The following NPLOC4 variants were observed in gnomAD, a reference collection of about 807,000 sequenced individuals.
NPLOC4 encodes the protein nuclear protein localization protein 4 homolog.
Under a neutral mutation model 80.6 loss-of-function variants are expected in NPLOC4, and 18 were observed. That is an observed-to-expected ratio of 0.22 (90% confidence interval 0.15 to 0.33). The LOEUF (loss-of-function observed/expected upper bound fraction) is 0.33. Ranked by LOEUF, NPLOC4 falls within the 10% of genes least tolerant of loss-of-function variation. The pLI is 1.00. For missense variants in NPLOC4, 540 were observed against 786.1 expected (o/e 0.69, Z 3.74); for synonymous variants, 313 against 301.5 (o/e 1.04, Z -0.39).
In NPLOC4 at chr17:81,565,605, G is replaced by A. The variant is rs1252920687; in HGVS notation, c.1569C>T (p.Asp523=). The A allele has an allele frequency of 5.8e-6, 9 of 1,541,432 alleles. No homozygotes were observed. The East Asian group carries it at 7.3e-5, about 12-fold the overall frequency. Residue 523 remains aspartate (D), a splice_region_variant and synonymous_variant, in exon 16 of 17, where the codon GAC becomes GAT. Transcript: ENST00000331134. Reference sequence around the variant, plus strand: ...CGGCCTCCAGCAGCAAGCTGATGCTGTCCTACAAGAAGCCAAAAGGAAGGT... The same window carrying A: ...CGGCCTCCAGCAGCAAGCTGATGCTATCCTACAAGAAGCCAAAAGGAAGGT... The part of the protein sequence containing the change: ...LVTNEVMPLQ[D]SISLLLEAVR...
chr17:81,594,323 T>A (rs72855689), intron 11 of NPLOC4, among the ~76,000 whole-genome samples: 22,464 of 144,806 alleles, frequency 0.16, 2,168 homozygotes, highest in African/African-American at 0.24. Flanking sequence ...ACTAATTCAC[T>A]TGTAAAATAG....
chr17:81,582,941 C>T (rs1487203229), intron 12 of NPLOC4, among the ~76,000 whole-genome samples: 1 of 152,260 alleles, frequency 6.6e-6, no homozygotes, highest in Non-Finnish European at 1.5e-5. Flanking sequence ...ACACAAAAAC[C>T]CAAGGAGCCT....
At chr17:81,631,448 T>A (rs796294509) in intron 1 of NPLOC4, among the ~76,000 whole-genome samples, 36,550 of 89,006 alleles carry the variant, frequency 0.41, 6,082 homozygotes, top group East Asian at 0.55. Flanking sequence ...TTTTTTTTTT[T>A]TTTTTTTTTT....
At position 81,631,290 on chromosome 17, in the gene NPLOC4, A is replaced by G. The variant is rs1287039646; in HGVS notation, c.16-1485T>C. Reference sequence around the variant, plus strand: ...CTGGGCACAGTGGCTCACACCTATAATCTGTGCACTTCAGGAGACCAAGGC... The same window carrying G: ...CTGGGCACAGTGGCTCACACCTATAGTCTGTGCACTTCAGGAGACCAAGGC... On this transcript the variant is annotated intron_variant, in intron 1 of 16. Coordinates refer to ENST00000331134, the MANE Select transcript of NPLOC4 (RefSeq NM_017921.4). Among the ~76,000 whole-genome samples, 4 of 151,858 alleles carry G rather than the reference A, an allele frequency of 2.6e-5. No individual in the cohort carries two copies. The South Asian group carries it at 6.3e-4, about 24-fold the overall frequency.
At chr17:81,604,841 C>T in intron 7 of NPLOC4, 114 bp from the exon 8 acceptor site, 2 of 962,858 alleles carry the variant, frequency 2.1e-6, no homozygotes, top group Non-Finnish European at 3.1e-6. Context: ...AAAAAACAAA[C>T]CAATAGGGTG....
At chr17:81,630,838 C>A (rs1287182665) in intron 1 of NPLOC4, among the ~76,000 whole-genome samples, 1 of 151,712 alleles carries the variant, frequency 6.6e-6, no homozygotes, top group African/African-American at 2.4e-5. Context: ...GATGGTGCCA[C>A]TGCACTCCAG....
chr17:81,592,002 C>A (rs1018770928), intron 11 of NPLOC4, among the ~76,000 whole-genome samples: 3 of 152,210 alleles, frequency 2.0e-5, no homozygotes, highest in Non-Finnish European at 2.9e-5. Context: ...CAGGGTCACT[C>A]GAGCAAAGCG....
rs1194077717 is a variant in NPLOC4, at chr17:81,567,148, C to T, written c.1566+269G>A. On this transcript the variant is annotated intron_variant, in intron 15 of 16. Transcript: ENST00000331134. The surrounding 1 kb of genome is among the most constrained non-coding windows in gnomAD (Gnocchi z 4.5). Reference sequence around the variant, plus strand: ...ACCTCTGCTTCCCATTCGATTGTAACAGATGAAACCGTACTTCCTCACAGA... The same window carrying T: ...ACCTCTGCTTCCCATTCGATTGTAATAGATGAAACCGTACTTCCTCACAGA... Among the ~76,000 whole-genome samples the T allele has an allele frequency of 1.3e-5, 2 of 152,208 alleles. No homozygotes were observed. Among genetic ancestry groups the T allele is most frequent in the Non-Finnish European group, 2.9e-5 (2 of 68,040 alleles).
At chr17:81,588,170 A>C (rs2034639751) in intron 12 of NPLOC4, 1 of 152,240 alleles carries the variant, frequency 6.6e-6, no homozygotes, top group Non-Finnish European at 1.5e-5. Context: ...ATTATCCAAA[A>C]TGAAACACTG....
rs2034398520 is a variant in NPLOC4 at position 81,580,042 on chromosome 17, T to A, written c.1282-7954A>T. Among the ~76,000 whole-genome samples, 1 of 152,048 alleles carries A rather than the reference T, an allele frequency of 6.6e-6. No homozygotes were observed. Among genetic ancestry groups the A allele is most frequent in the African/African-American group, 2.4e-5 (1 of 41,404 alleles). On this transcript the variant is annotated intron_variant, in intron 12 of 16. Transcript: ENST00000331134. This position sits in a 1 kb window ranked among gnomAD's most constrained non-coding sequence, Gnocchi z 4.4. ...CAGGGAGCTCCTTTCTTGCCTGCCT[T>A]CCAGGGCGCTATGCTCCTGCCCCTC...
At position 81,610,213 on chromosome 17, in the gene NPLOC4, T is replaced by C; in HGVS notation, c.432A>G (p.Leu144=). The C allele has an allele frequency of 6.4e-7, 1 of 1,572,524 alleles. No homozygotes were observed. Among genetic ancestry groups the C allele is most frequent in the South Asian group, 1.2e-5 (1 of 85,076 alleles). The change falls in exon 5 of 17, where the codon CTA becomes CTG. Residue 144 remains leucine, a synonymous_variant. Coordinates refer to ENST00000331134, the MANE Select transcript of NPLOC4 (RefSeq NM_017921.4). The stretch of plus-strand genomic sequence containing the variant: ...CTTACTCCGCAGAGACTCTCACCTC[T>C]AGAGGGACGCAGTGCACGCATTTCC... The part of the protein sequence containing the change: ...PLGKCVHCVP[L]EPFDEDYLNH...
At chr17:81,611,340 T>C (rs1238300999) in intron 4 of NPLOC4, among the ~76,000 whole-genome samples, 2 of 150,936 alleles carry the variant, frequency 1.3e-5, no homozygotes, top group Non-Finnish European at 2.9e-5. Flanking sequence ...ATAAATAAAA[T>C]AGTTTTTTTT....
chr17:81,565,577 G>A lies in NPLOC4; in HGVS notation c.1597C>T (p.Arg533Trp), dbSNP rs1391585016. 5.8e-6 allele frequency: 9 copies of A among 1,554,332 alleles called. No individual in the cohort carries two copies. The highest frequency in any genetic ancestry group is 1.4e-5 in the African/African-American group (1 of 73,314). Residue 533 changes from arginine (R) to tryptophan (W), a missense_variant, in exon 16 of 17, where the codon CGG becomes TGG. Physicochemically the swap from Arg to Trp is moderately radical, Grantham distance 101. Transcript: ENST00000331134. ...TGGGCGAGCTCCTCATTTCTGGTCC[G>A]CACGGCCTCCAGCAGCAAGCTGATG... ...DSISLLLEAV[R>W]TRNEELAQTW...
chr17:81,634,744 C>T (rs1428349772), intron 1 of NPLOC4, among the ~76,000 whole-genome samples: 1 of 152,082 alleles, frequency 6.6e-6, no homozygotes, highest in Non-Finnish European at 1.5e-5. Context: ...TGCCACCACA[C>T]CCGGCTAATT....
chr17:81,581,142 G>A (rs542198655), intron 12 of NPLOC4, among the ~76,000 whole-genome samples: 2 of 152,242 alleles, frequency 1.3e-5, no homozygotes, highest in African/African-American at 4.8e-5. Flanking sequence ...CTGAGGTCAG[G>A]AGTTTGAGAC....
intron 13 of NPLOC4, among the ~76,000 whole-genome samples, chr17:81,569,343 G>A (rs915147418): frequency 7.2e-5 from 11 of 152,212 alleles, no homozygotes; most frequent in Admixed American, 6.5e-4. Flanking sequence ...GGCAGCCTCC[G>A]GCCTGTGCAC....
At position 81,567,546 on chromosome 17, in the gene NPLOC4, G is replaced by A. The variant is rs1199142816; in HGVS notation, c.1450-13C>T. ...AGCTATGGAAGTCCTAGAGGAATGG[G>A]AATAAACATGAATGTTCCATACAGT... On this transcript the variant is annotated splice_polypyrimidine_tract_variant and intron_variant, in intron 14 of 16. Coordinates refer to ENST00000331134, the MANE Select transcript of NPLOC4 (RefSeq NM_017921.4). The surrounding 1 kb of genome is among the most constrained non-coding windows in gnomAD (Gnocchi z 4.5). 4 of 1,484,056 alleles carry A rather than the reference G, an allele frequency of 2.7e-6. No individual in the cohort carries two copies. Among genetic ancestry groups the A allele is most frequent in the African/African-American group, 1.4e-5 (1 of 72,426 alleles). The allele number at this position is 1,484,056 out of a possible 1,614,324, so 91.9% of individuals were successfully genotyped here.
chr17:81,609,772 T>C (rs1342002982), intron 5 of NPLOC4, among the ~76,000 whole-genome samples: 4 of 152,246 alleles, frequency 2.6e-5, no homozygotes, highest in African/African-American at 9.6e-5. Context: ...CTGGCCTTCC[T>C]GCTGTAAACC....
At chr17:81,618,447 G>C (rs2144279052) in intron 3 of NPLOC4, among the ~76,000 whole-genome samples, 1 of 151,802 alleles carries the variant, frequency 6.6e-6, no homozygotes, top group South Asian at 2.1e-4. Context: ...GAAGTGAGGA[G>C]CGTCTCCGCC....
Sources: gnomAD v4.1 joint callset for allele counts (sites outside exome capture counted in the v4.1 genomes callset) on GRCh38, gnomAD v4.1.1 for gene constraint, Gnocchi (gnomAD v3.1) non-coding constraint, MANE v1.5 for transcripts, NCBI Gene and HGNC (gene_info 2026-07-23, HGNC 2026-07-21) for gene names.